The following ERBB4 variants were observed in gnomAD, a reference collection of about 807,000 sequenced individuals.
ERBB4 encodes the protein receptor tyrosine-protein kinase erbB-4.
ERBB4 carries 42 observed loss-of-function variants against 158.0 expected under a neutral mutation model. That is an observed-to-expected ratio of 0.27 (90% CI 0.21 to 0.34). The LOEUF (loss-of-function observed/expected upper bound fraction) is 0.34. Ranked by LOEUF, ERBB4 falls within the 10% of genes least tolerant of loss-of-function variation. ERBB4 has a pLI of 1.00. For synonymous variants in ERBB4, 583 were observed against 558.7 expected (o/e 1.04, Z -0.61); for missense variants, 1,333 against 1,624.1 (o/e 0.82, Z 3.08).
intron 1 of ERBB4, among the ~76,000 whole-genome samples, chr2:212,316,455 T>C (rs963242241): frequency 2.0e-5 from 3 of 151,544 alleles, no homozygotes; most frequent in Admixed American, 6.6e-5. Context: ...TCCCCCTTTT[T>C]TCCATCATCA....
At chr2:212,448,543 G>GC (rs138531859) in intron 1 of ERBB4, among the ~76,000 whole-genome samples, 3,598 of 152,030 alleles carry the variant, frequency 0.024, 137 homozygotes, top group African/African-American at 0.082. Flanking sequence ...GGCTTTTTCT[G>GC]CCTCTTCTCT....
intron 1 of ERBB4, among the ~76,000 whole-genome samples, chr2:212,293,868 A>AAC (rs2086308854): frequency 6.6e-6 from 1 of 150,866 alleles, no homozygotes; most frequent in Non-Finnish European, 1.5e-5. Context: ...ACAAAAAAAA[A>AAC]AAAAACATAC....
chr2:212,295,595 A>G (rs758736964), intron 1 of ERBB4, among the ~76,000 whole-genome samples: 1 of 152,110 alleles, frequency 6.6e-6, no homozygotes, highest in Non-Finnish European at 1.5e-5. Flanking sequence ...GGGGTTTTAG[A>G]GTCAAGTAAA....
chr2:212,410,599 T>C (rs2091468601), intron 1 of ERBB4, among the ~76,000 whole-genome samples: 1 of 152,100 alleles, frequency 6.6e-6, no homozygotes, highest in African/African-American at 2.4e-5. Context: ...TCTCCTCTCA[T>C]TTTCTCATCT....
At position 212,165,503 on chromosome 2, in the gene ERBB4, A is replaced by T. The variant is rs555219412; in HGVS notation, c.83-40600T>A. 1.4e-4 allele frequency among the ~76,000 whole-genome samples: 22 copies of T among 152,102 alleles called. No individual in the cohort carries two copies. The South Asian group carries it at 4.3e-3, about 30-fold the overall frequency. On this transcript the variant is annotated intron_variant, in intron 1 of 27. Coordinates refer to ENST00000342788, the MANE Select transcript of ERBB4 (RefSeq NM_005235.3). The stretch of plus-strand genomic sequence containing the variant: ...GATCTCAACAAATCAGGGAGATGTC[A>T]TTCCTCTGGCCAGTGAGATAGAAGA...
In ERBB4 at chr2:211,430,996, T is replaced by C; in HGVS notation, c.2592A>G (p.Leu864=). Residue 864 remains leucine, a synonymous_variant, in exon 21 of 28, where the codon CTA becomes CTG. Coordinates refer to ENST00000342788, the MANE Select transcript of ERBB4 (RefSeq NM_005235.3). The stretch of plus-strand genomic sequence containing the variant: ...TTTCATCTCCTTCCAAGAGTCTGGC[T>C]AGCCCAAAATCTGTGATTTTCACAT... ...PNHVKITDFG[L]ARLLEGDEKE... is the part of the protein sequence containing the mutation. 6.2e-7 allele frequency: 1 copy of C among 1,613,946 alleles called. No individual in the cohort carries two copies. The highest frequency in any genetic ancestry group is 8.5e-7 in the Non-Finnish European group (1 of 1,179,814).
intron 3 of ERBB4, among the ~76,000 whole-genome samples, chr2:211,930,660 T>C (rs2125098175): frequency 6.6e-6 from 1 of 152,284 alleles, no homozygotes; most frequent in South Asian, 2.1e-4. Context: ...CTACCCTTTC[T>C]TTAGAAGTTC....
At chr2:211,635,656 TA>T (rs1043761121) in intron 16 of ERBB4, among the ~76,000 whole-genome samples, 9 of 152,220 alleles carry the variant, frequency 5.9e-5, no homozygotes, top group African/African-American at 9.6e-5. Context: ...TCAAATGTTT[TA>T]AAAAACTATT....
chr2:212,374,081 C>CAT (rs1335922748), intron 1 of ERBB4, among the ~76,000 whole-genome samples: 2 of 108,992 alleles, frequency 1.8e-5, no homozygotes, highest in African/African-American at 6.9e-5. Context: ...TATATATATC[C>CAT]ATATATATCC....
At chr2:211,848,938 G>C (rs1454844703) in intron 3 of ERBB4, among the ~76,000 whole-genome samples, 2 of 152,054 alleles carry the variant, frequency 1.3e-5, no homozygotes, top group African/African-American at 4.8e-5. Context: ...TTTCCAAAGT[G>C]ATTGGTATGT....
At chr2:211,904,295 A>C (rs551303314) in intron 3 of ERBB4, among the ~76,000 whole-genome samples, 24 of 152,190 alleles carry the variant, frequency 1.6e-4, no homozygotes, top group Middle Eastern at 3.4e-3. Flanking sequence ...AAACCTCAAA[A>C]ACTAATGAAC....
intron 2 of ERBB4, among the ~76,000 whole-genome samples, chr2:211,979,486 T>C (rs913053791): frequency 6.6e-6 from 1 of 152,328 alleles, no homozygotes. Flanking sequence ...TACTCTTTAG[T>C]TCTACTTTTG....
At chr2:212,223,320 T>C (rs2083363612) in intron 1 of ERBB4, among the ~76,000 whole-genome samples, 1 of 119,784 alleles carries the variant, frequency 8.3e-6, no homozygotes, top group African/African-American at 3.1e-5. Flanking sequence ...TTTAGCAATA[T>C]CCTTATTAAG....
At chr2:212,444,208 C>T (rs909092588) in intron 1 of ERBB4, among the ~76,000 whole-genome samples, 9 of 152,164 alleles carry the variant, frequency 5.9e-5, no homozygotes, top group Non-Finnish European at 1.3e-4. Flanking sequence ...GATGGTTCTG[C>T]ACAATATGCA....
In ERBB4 at chr2:211,991,966, G is replaced by A. The variant is rs372522622; in HGVS notation, c.235-44350C>T. ...TAAGGGAGGGAGGGGACAGGACAATGTGAAGCAGAGTCTTAGCAAATTAAA... is the reference window on the plus strand; with the variant it reads ...TAAGGGAGGGAGGGGACAGGACAATATGAAGCAGAGTCTTAGCAAATTAAA... On this transcript the variant is annotated intron_variant, in intron 2 of 27. Coordinates refer to ENST00000342788, the MANE Select transcript of ERBB4 (RefSeq NM_005235.3). Among the ~76,000 whole-genome samples, 1,344 of 152,214 alleles carry A rather than the reference G, an allele frequency of 8.8e-3. 18 individuals are homozygous for A. Among genetic ancestry groups the A allele is most frequent in the South Asian group, 0.047 (226 of 4,822 alleles).
chr2:211,670,389 C>T (rs2071794513), intron 14 of ERBB4, among the ~76,000 whole-genome samples: 1 of 152,108 alleles, frequency 6.6e-6, no homozygotes, highest in African/African-American at 2.4e-5. Flanking sequence ...GATTCTTTAA[C>T]TATAAATAAT....
chr2:212,346,500 A>G (rs2089007326), intron 1 of ERBB4, among the ~76,000 whole-genome samples: 1 of 152,104 alleles, frequency 6.6e-6, no homozygotes, highest in African/African-American at 2.4e-5. Context: ...AAAACATTAA[A>G]ATGTTTTAAA....
intron 16 of ERBB4, among the ~76,000 whole-genome samples, chr2:211,648,963 C>A (rs2070880680): frequency 6.6e-6 from 1 of 151,824 alleles, no homozygotes; most frequent in African/African-American, 2.4e-5. Context: ...CAAATCTCTG[C>A]AGAATTTTAA....
chr2:212,258,499 G>C (rs1393313894), intron 1 of ERBB4, among the ~76,000 whole-genome samples: 1 of 150,924 alleles, frequency 6.6e-6, no homozygotes, highest in Non-Finnish European at 1.5e-5. Flanking sequence ...AAATAGTTAC[G>C]CTAAAATAAT....
Sources: gnomAD v4.1 joint callset for allele counts (sites outside exome capture counted in the v4.1 genomes callset) on GRCh38, gnomAD v4.1.1 for gene constraint, MANE v1.5 for transcripts, NCBI Gene and HGNC (gene_info 2026-07-23, HGNC 2026-07-21) for gene names.